FRMD4A: variants seen among roughly 807,000 people sequenced by gnomAD.
FRMD4A encodes the protein FERM domain-containing protein 4A.
In FRMD4A, 29 loss-of-function variants were observed where a neutral mutation model predicts 129.1. That is an observed-to-expected ratio of 0.22 (90% CI 0.17 to 0.31). The LOEUF (loss-of-function observed/expected upper bound fraction) is 0.31, where lower values mean the gene tolerates loss of function less well. Among genes scored for constraint, FRMD4A ranks in the 10% least tolerant of loss-of-function variants. The pLI is 1.00. For missense variants in FRMD4A, 1,272 were observed against 1,375.8 expected (o/e 0.92, Z 1.19); for synonymous variants, 634 against 571.6 (o/e 1.11, Z -1.56).
intron 2 of FRMD4A, among the ~76,000 whole-genome samples, chr10:14,264,297 G>T (rs902971520): frequency 2.0e-5 from 3 of 152,106 alleles, no homozygotes; most frequent in Non-Finnish European, 4.4e-5. Flanking sequence ...TTTTATCCCA[G>T]GTTCCCCATT....
intron 2 of FRMD4A, among the ~76,000 whole-genome samples, chr10:14,284,574 A>T (rs1845623409): frequency 6.6e-6 from 1 of 152,092 alleles, no homozygotes; most frequent in Admixed American, 6.6e-5. Flanking sequence ...AATCATCTGA[A>T]CCCAGGAAGC....
At chr10:13,921,136 G>A (rs538706070) in intron 2 of FRMD4A, among the ~76,000 whole-genome samples, 5 of 152,276 alleles carry the variant, frequency 3.3e-5, no homozygotes, top group South Asian at 2.1e-4. Flanking sequence ...CCTTGCAGAC[G>A]GCTGCCTTCT....
chr10:14,136,473 C>T (rs1472065568), intron 2 of FRMD4A, among the ~76,000 whole-genome samples: 2 of 152,142 alleles, frequency 1.3e-5, no homozygotes, highest in Non-Finnish European at 2.9e-5. Context: ...CTGATGGCTT[C>T]CTCTGCCCTA....
At chr10:14,127,960 T>C (rs1255876694) in intron 2 of FRMD4A, among the ~76,000 whole-genome samples, 140 of 31,892 alleles carry the variant, frequency 4.4e-3, no homozygotes, top group Middle Eastern at 0.019. Flanking sequence ...CTTTCTTTCT[T>C]TCTTTCTTTC....
chr10:13,980,469 C>T (rs2095556732), intron 2 of FRMD4A, among the ~76,000 whole-genome samples: 1 of 152,146 alleles, frequency 6.6e-6, no homozygotes, highest in Non-Finnish European at 1.5e-5. Flanking sequence ...CAGCTTATGC[C>T]CTGTAATCCC....
chr10:13,644,430 G>A lies in FRMD4A; in HGVS notation c.*2608C>T, dbSNP rs541584070. 3 of 152,320 alleles carry A rather than the reference G, an allele frequency of 2.0e-5. No individual in the cohort carries two copies. Among genetic ancestry groups the A allele is most frequent in the African/African-American group, 4.8e-5 (2 of 41,568 alleles). 9.4% of individuals were successfully genotyped at this position (152,320 alleles called of 1,614,324 possible). ...GTACATTTTGTATTAACTGAACTCA[G>A]CTAAACAGTAAAACCTGTTTTACTT... On this transcript the variant is annotated 3_prime_UTR_variant, in exon 25 of 25. Transcript: ENST00000357447.
intron 15 of FRMD4A, chr10:13,685,711 G>A: frequency 3.5e-6 from 3 of 859,420 alleles, no homozygotes; most frequent in Non-Finnish European, 4.2e-6. Flanking sequence ...AGGAGGCTGA[G>A]GCAGGAGGAT....
At chr10:14,246,387 AC>A (rs1844238145) in intron 2 of FRMD4A, among the ~76,000 whole-genome samples, 1 of 6,550 alleles carries the variant, frequency 1.5e-4, no homozygotes. Context: ...ACACATACAC[AC>A]ACACACACAC....
chr10:14,144,550 C>T (rs1839988114), intron 2 of FRMD4A, among the ~76,000 whole-genome samples: 2 of 152,182 alleles, frequency 1.3e-5, no homozygotes, highest in African/African-American at 4.8e-5. Flanking sequence ...AACCACCTCA[C>T]TGACAATAGG....
chr10:13,863,472 C>G (rs2094321559), intron 2 of FRMD4A, among the ~76,000 whole-genome samples: 1 of 152,076 alleles, frequency 6.6e-6, no homozygotes, highest in South Asian at 2.1e-4. Context: ...CGCCTGTAGT[C>G]CCAGCTACTT....
rs1474085922 is a variant in FRMD4A at position 13,744,077 on chromosome 10, G to T, written c.549-3500C>A. On this transcript the variant is annotated intron_variant, in intron 9 of 24. Coordinates refer to ENST00000357447, the MANE Select transcript of FRMD4A (RefSeq NM_018027.5). ...CAAATGACCTCTCAGCAGACAAGGGGATACATGAAATGCATGGGTGATGGA... is the reference window on the plus strand; with the variant it reads ...CAAATGACCTCTCAGCAGACAAGGGTATACATGAAATGCATGGGTGATGGA... Among the ~76,000 whole-genome samples the T allele has an allele frequency of 4.6e-5, 7 of 152,162 alleles. No individual in the cohort carries two copies. In the East Asian group the frequency reaches 1.3e-3, roughly 29 times the overall value.
chr10:14,116,084 T>C (rs1236165782), intron 2 of FRMD4A, among the ~76,000 whole-genome samples: 1 of 152,196 alleles, frequency 6.6e-6, no homozygotes, highest in Non-Finnish European at 1.5e-5. Flanking sequence ...AGGACCAATA[T>C]TCAGAAACAC....
intron 24 of FRMD4A, chr10:13,651,688 C>T (rs1459335180): frequency 1.4e-5 from 8 of 566,916 alleles, no homozygotes; most frequent in Admixed American, 6.2e-5. Flanking sequence ...AAAACATACT[C>T]TGGGGGTCTT....
At chr10:14,079,589 T>G (rs546749578) in intron 2 of FRMD4A, among the ~76,000 whole-genome samples, 11 of 152,238 alleles carry the variant, frequency 7.2e-5, no homozygotes, top group Non-Finnish European at 1.5e-4. Context: ...CTGCAATGCT[T>G]TTAGGCAACA....
intron 3 of FRMD4A, among the ~76,000 whole-genome samples, chr10:13,842,906 T>C (rs928445148): frequency 6.6e-6 from 1 of 152,212 alleles, no homozygotes; most frequent in African/African-American, 2.4e-5. Flanking sequence ...TTTCTTATTA[T>C]GTAAATGAAG....
At chr10:13,667,146 A>G (rs540744085) in intron 17 of FRMD4A, among the ~76,000 whole-genome samples, 5 of 152,304 alleles carry the variant, frequency 3.3e-5, no homozygotes, top group Non-Finnish European at 5.9e-5. Flanking sequence ...TCCTGACCTC[A>G]GACTATCCTT....
At chr10:14,186,812 T>C (rs2131914745) in intron 2 of FRMD4A, among the ~76,000 whole-genome samples, 1 of 152,218 alleles carries the variant, frequency 6.6e-6, no homozygotes, top group South Asian at 2.1e-4. Context: ...TGGACACAAG[T>C]TGTACCCTTA....
At chr10:14,081,100 T>TA (rs2131733002) in intron 2 of FRMD4A, among the ~76,000 whole-genome samples, 1 of 152,292 alleles carries the variant, frequency 6.6e-6, no homozygotes, top group South Asian at 2.1e-4. Context: ...GGGCTTCTCC[T>TA]AGTCAGAGTC....
chr10:14,009,631 C>T (rs994320866), intron 2 of FRMD4A, among the ~76,000 whole-genome samples: 1 of 152,236 alleles, frequency 6.6e-6, no homozygotes, highest in African/African-American at 2.4e-5. Context: ...AAGGGTGCCA[C>T]GGCGGCGGCA....
Sources: allele counts gnomAD v4.1 joint callset (sites outside exome capture counted in the v4.1 genomes callset), GRCh38; gene constraint gnomAD v4.1.1; transcripts MANE v1.5; gene names NCBI Gene and HGNC (gene_info 2026-07-23, HGNC 2026-07-21).